The following PCDHGB2 variants were observed in gnomAD, a reference collection of about 807,000 sequenced individuals.
The protein encoded by PCDHGB2 is protocadherin gamma subfamily B, 2.
PCDHGB2 carries 55 observed loss-of-function variants against 59.3 expected under a neutral mutation model. That is an observed-to-expected ratio of 0.93 (90% CI 0.75 to 1.16). The LOEUF is 1.16. Ranked by LOEUF, PCDHGB2 falls within the 50% of genes most tolerant of loss-of-function variation. The pLI is 0.00. For synonymous variants in PCDHGB2, 516 were observed against 512.0 expected, an observed-to-expected ratio of 1.01 and a Z score of -0.11; for missense variants, 1,228 against 1,198.5, an observed-to-expected ratio of 1.02 and a Z score of -0.36.
chr5:141,393,937 A>T, intron 1 of PCDHGB2: 1 of 1,613,906 alleles, frequency 6.2e-7, no homozygotes, highest in Non-Finnish European at 8.5e-7. Context: ...CATGACCAAG[A>T]CTCTGGAAAG....
chr5:141,390,358 G>T, intron 1 of PCDHGB2: 1 of 1,540,914 alleles, frequency 6.5e-7, no homozygotes, highest in East Asian at 2.2e-5. Context: ...ATACATATTT[G>T]CAGGAAAATA....
chr5:141,371,113 C>A lies in PCDHGB2; in HGVS notation c.2421+8557C>A. The A allele has an allele frequency of 6.2e-7, 1 of 1,613,950 alleles. No homozygotes were observed. Among genetic ancestry groups the A allele is most frequent in the Non-Finnish European group, 8.5e-7 (1 of 1,179,846 alleles). ...GTCGCAGATGCAAATGATAACCCCC[C>A]AGTATTTACTCAGGACATGTACAGG... On this transcript the variant is annotated intron_variant, in intron 1 of 3. Coordinates refer to ENST00000522605, the MANE Select transcript of PCDHGB2 (RefSeq NM_018923.3).
At position 141,361,783 on chromosome 5, in the gene PCDHGB2, G is replaced by C. The variant is rs375966726; in HGVS notation, c.1648G>C (p.Val550Leu). ...PALSANVSLR[V>L]LVGDLNDNAP... ...GCTCAGCGCCAACGTGAGCCTGCGC[G>C]TGTTAGTGGGCGACCTCAATGACAA... Residue 550 changes from valine to leucine, a missense_variant, in exon 1 of 4, where the codon GTG becomes CTG. Around this residue, in one of 3 missense-constraint regions of PCDHGB2, gnomAD observed 781 missense variants for 721.6 expected, o/e 1.08. Transcript: ENST00000522605. 68 of 1,613,126 alleles carry C rather than the reference G, an allele frequency of 4.2e-5. No homozygotes were observed. In the African/African-American group the frequency reaches 5.5e-4, roughly 13 times the overall value.
intron 1 of PCDHGB2, chr5:141,421,800 G>T (rs995129799): frequency 1.2e-6 from 2 of 1,613,728 alleles, no homozygotes. Flanking sequence ...ATGGGGCCAA[G>T]AATCCAGAGC....
intron 1 of PCDHGB2, chr5:141,421,355 G>C (rs1561793348): frequency 6.2e-7 from 1 of 1,613,990 alleles, no homozygotes. Flanking sequence ...ACCGAAAAGG[G>C]CTCCTTCGTG....
At chr5:141,465,657 G>T (rs904553709) in intron 1 of PCDHGB2, among the ~76,000 whole-genome samples, 2 of 152,130 alleles carry the variant, frequency 1.3e-5, no homozygotes, top group Non-Finnish European at 2.9e-5. Context: ...CCAAAAAAGC[G>T]CTTGCCATGA....
intron 2 of PCDHGB2, among the ~76,000 whole-genome samples, chr5:141,498,963 GGGAGGGAGGGAAGGAAGGAA>G (rs1472475865): frequency 5.7e-4 from 74 of 129,970 alleles, no homozygotes; most frequent in Non-Finnish European, 2.6e-4. Flanking sequence ...GAGAGAGGGA[GGGAGGGAGGGAAGGAAGGAA>G]GGAAGGAAGG....
intron 1 of PCDHGB2, chr5:141,388,545 C>G: frequency 6.2e-7 from 1 of 1,613,798 alleles, no homozygotes. Flanking sequence ...TGGAGCTCCA[C>G]CCCTAAGCAG....
chr5:141,409,805 C>T lies in PCDHGB2; in HGVS notation c.2421+47249C>T, dbSNP rs751397816. 8 of 1,611,512 alleles carry T rather than the reference C, an allele frequency of 5.0e-6. No individual in the cohort carries two copies. The African/African-American group carries it at 5.3e-5, about 11-fold the overall frequency. ...CGCCTTCGCGCTCACGCTGCAGGCC[C>T]GCGACCACGGCTCGCCCACGCTCAG... is the stretch of plus-strand genomic sequence containing the variant. On this transcript the variant is annotated intron_variant, in intron 1 of 3. Coordinates refer to ENST00000522605, the MANE Select transcript of PCDHGB2 (RefSeq NM_018923.3).
At chr5:141,495,852 TCTCA>T (rs1473070626) in intron 2 of PCDHGB2, among the ~76,000 whole-genome samples, 1 of 152,174 alleles carries the variant, frequency 6.6e-6, no homozygotes, top group Non-Finnish European at 1.5e-5. Flanking sequence ...TTTCTCTGTC[TCTCA>T]CTATTTCTGC....
intron 1 of PCDHGB2, chr5:141,419,955 T>C: frequency 1.9e-6 from 3 of 1,614,096 alleles, no homozygotes; most frequent in Non-Finnish European, 2.5e-6. Flanking sequence ...TTGGCCTTGA[T>C]TTCTGTGCTC....
intron 1 of PCDHGB2, among the ~76,000 whole-genome samples, chr5:141,405,891 A>G (rs1029768115): frequency 1.3e-5 from 2 of 152,164 alleles, no homozygotes; most frequent in African/African-American, 4.8e-5. Flanking sequence ...TTGCTCCAAC[A>G]CTGAAAGGAG....
chr5:141,421,885 G>A (rs2096608692), intron 1 of PCDHGB2: 1 of 1,613,574 alleles, frequency 6.2e-7, no homozygotes, highest in African/African-American at 1.3e-5. Context: ...AGATGGAGGC[G>A]ATCCCATCCG....
intron 1 of PCDHGB2, chr5:141,415,740 G>GTTTTGTTTTT (rs2095911163): frequency 1.9e-6 from 1 of 515,998 alleles, no homozygotes; most frequent in African/African-American, 2.8e-5. Context: ...GTTTATTAAG[G>GTTTTGTTTTT]TTTTTTTTTT....
At chr5:141,445,046 G>A (rs181806844) in intron 1 of PCDHGB2, among the ~76,000 whole-genome samples, 1 of 152,248 alleles carries the variant, frequency 6.6e-6, no homozygotes, top group East Asian at 1.9e-4. Context: ...AGTTTTCAGT[G>A]TAGAGAGGTC....
intron 1 of PCDHGB2, among the ~76,000 whole-genome samples, chr5:141,471,071 C>T (rs1208702673): frequency 7.7e-6 from 1 of 129,696 alleles, no homozygotes; most frequent in Non-Finnish European, 1.6e-5. Context: ...TTTTTTGAGA[C>T]AGGGTCTCCC....
chr5:141,460,289 T>C, intron 1 of PCDHGB2, among the ~76,000 whole-genome samples: 1 of 152,148 alleles, frequency 6.6e-6, no homozygotes, highest in East Asian at 1.9e-4. Context: ...TTTGTATTTC[T>C]TATGTCCTAT....
rs148240637 is a variant in PCDHGB2, at chr5:141,383,750, T to A, written c.2421+21194T>A. On this transcript the variant is annotated intron_variant, in intron 1 of 3. Transcript: ENST00000522605. ...GAAGTGACATATTCTTTTCGGAAAA[T>A]AACTCCTAAACTTCCAAAGATGTTT... 1.9e-3 allele frequency: 3,008 copies of A among 1,613,910 alleles called. 48 individuals are homozygous for A. In the African/African-American group the frequency reaches 0.033, roughly 18 times the overall value.
At position 141,486,694 on chromosome 5, in the gene PCDHGB2, C is replaced by T. The variant is rs1275794121; in HGVS notation, c.2422-8113C>T. ...ATCGAGATGTATCAGCTTCCTCTTTCATCTCTCTGAACCCCCAGACAGGAG... is the reference window on the plus strand; with the variant it reads ...ATCGAGATGTATCAGCTTCCTCTTTTATCTCTCTGAACCCCCAGACAGGAG... On this transcript the variant is annotated intron_variant, in intron 1 of 3. Transcript: ENST00000522605. This position sits in a 1 kb window ranked among gnomAD's most constrained non-coding sequence, Gnocchi z 5.0. 1.2e-6 allele frequency: 2 copies of T among 1,614,168 alleles called. No individual in the cohort carries two copies. Among genetic ancestry groups the T allele is most frequent in the Non-Finnish European group, 1.7e-6 (2 of 1,180,044 alleles).
Sources: gnomAD v4.1 joint callset for allele counts (sites outside exome capture counted in the v4.1 genomes callset) on GRCh38, gnomAD v4.1.1 for gene constraint, gnomAD v4.1.1 regional missense constraint, Gnocchi (gnomAD v3.1) non-coding constraint, MANE v1.5 for transcripts, NCBI Gene and HGNC (gene_info 2026-07-23, HGNC 2026-07-21) for gene names.